Variants in SNTG2 observed in about 807,000 individuals in gnomAD.
The protein encoded by SNTG2 is syntrophin gamma 2.
In SNTG2, 74 loss-of-function variants were observed where a neutral mutation model predicts 70.9. That is an observed-to-expected ratio of 1.04 (90% confidence interval 0.86 to 1.27). The LOEUF is 1.27. Among genes scored for constraint, SNTG2 ranks in the 50% most tolerant of loss-of-function variants. The probability of loss-of-function intolerance (pLI) is 0.00; values close to 1 mark genes in which losing one functional copy is unlikely to be tolerated. For missense variants in SNTG2, 717 were observed against 690.7 expected, an observed-to-expected ratio of 1.04 and a Z score of -0.43; for synonymous variants, 278 against 273.8, an observed-to-expected ratio of 1.02 and a Z score of -0.15.
At chr2:1,262,837 C>T (rs1678515606) in intron 13 of SNTG2, 1 of 152,308 alleles carries the variant, frequency 6.6e-6, no homozygotes, top group Non-Finnish European at 1.5e-5. Context: ...TCGGTCCAGA[C>T]GAGGAAACCC....
chr2:1,272,463 TAAAAAAAAAA>T (rs577563977), intron 14 of SNTG2, among the ~76,000 whole-genome samples: 1 of 51,894 alleles, frequency 1.9e-5, no homozygotes, highest in South Asian at 7.9e-4. Flanking sequence ...CTGGTACTGG[TAAAAAAAAAA>T]AAAAAAAAAA....
At chr2:1,278,587 C>T (rs896287284) in intron 14 of SNTG2, among the ~76,000 whole-genome samples, 2 of 152,170 alleles carry the variant, frequency 1.3e-5, no homozygotes, top group African/African-American at 4.8e-5. Context: ...GTTTTTCTTG[C>T]TGCTTCCTGT....
intron 8 of SNTG2, among the ~76,000 whole-genome samples, chr2:1,179,205 TTAG>T (rs1190511959): frequency 3.9e-5 from 6 of 152,326 alleles, no homozygotes; most frequent in Non-Finnish European, 7.3e-5. Flanking sequence ...TTCTTCTTTA[TTAG>T]TCTTGCTAGC....
At chr2:1,018,066 TTG>T (rs1659967505) in intron 1 of SNTG2, among the ~76,000 whole-genome samples, 1 of 152,226 alleles carries the variant, frequency 6.6e-6, no homozygotes, top group Non-Finnish European at 1.5e-5. Context: ...GTAAAGATAT[TTG>T]TTAGTCATGG....
intron 16 of SNTG2, among the ~76,000 whole-genome samples, chr2:1,320,140 G>T (rs1681452526): frequency 6.6e-6 from 1 of 152,176 alleles, no homozygotes; most frequent in South Asian, 2.1e-4. Context: ...TTAGTAATTA[G>T]TGCATGATGG....
chr2:1,069,093 A>G (rs969855539), intron 1 of SNTG2, among the ~76,000 whole-genome samples: 3 of 152,218 alleles, frequency 2.0e-5, no homozygotes, highest in Non-Finnish European at 4.4e-5. Flanking sequence ...TGTGTTGCAC[A>G]TGGTTTATGA....
Position 1,137,661 on chromosome 2 carries a change from T to A in SNTG2, c.365T>A (p.Leu122His), listed in dbSNP as rs1668482235. The change falls in exon 5 of 17, where the codon CTC becomes CAC. Residue 122 changes from leucine (L) to histidine (H), a missense_variant. Physicochemically the swap from Leu to His is moderately conservative, Grantham distance 99. Coordinates refer to ENST00000308624, the MANE Select transcript of SNTG2 (RefSeq NM_018968.4). ...ATGTTGTTCGTAGGAGATGCTGTTCTCCAGGTCAGTATTGTACACGTTAAT... is the reference window on the plus strand; with the variant it reads ...ATGTTGTTCGTAGGAGATGCTGTTCACCAGGTCAGTATTGTACACGTTAAT... ...TGMLFVGDAVLQVNGIHVENA... is the reference protein window; with the variant it reads ...TGMLFVGDAVHQVNGIHVENA... 6.2e-7 allele frequency: 1 copy of A among 1,613,242 alleles called. No homozygotes were observed. The highest frequency in any genetic ancestry group is 8.5e-7 in the Non-Finnish European group (1 of 1,179,736).
At chr2:965,650 G>A (rs1660536840) in intron 1 of SNTG2, among the ~76,000 whole-genome samples, 1 of 152,006 alleles carries the variant, frequency 6.6e-6, no homozygotes. Context: ...CTCGGGGGCT[G>A]CTGCTGCTGG....
intron 1 of SNTG2, among the ~76,000 whole-genome samples, chr2:1,060,396 A>C (rs1412025871): frequency 6.6e-6 from 1 of 152,180 alleles, no homozygotes; most frequent in Non-Finnish European, 1.5e-5. Flanking sequence ...AGAGAAGTGC[A>C]TAGATACAGA....
chr2:1,110,052 T>C (rs1410143850), intron 4 of SNTG2, among the ~76,000 whole-genome samples: 2 of 152,136 alleles, frequency 1.3e-5, no homozygotes, highest in African/African-American at 4.8e-5. Context: ...CATGAAGATG[T>C]TGACACAGAA....
At chr2:977,737 G>C (rs555022531) in intron 1 of SNTG2, among the ~76,000 whole-genome samples, 1 of 152,170 alleles carries the variant, frequency 6.6e-6, no homozygotes, top group East Asian at 1.9e-4. Flanking sequence ...AGACCTTACC[G>C]AGATCAGGAC....
intron 1 of SNTG2, among the ~76,000 whole-genome samples, chr2:1,021,203 G>C (rs982231751): frequency 2.6e-5 from 4 of 152,064 alleles, no homozygotes; most frequent in African/African-American, 9.7e-5. Context: ...ACATATACAT[G>C]GTGCACTACA....
At chr2:1,063,337 C>T (rs1662944515) in intron 1 of SNTG2, among the ~76,000 whole-genome samples, 1 of 152,132 alleles carries the variant, frequency 6.6e-6, no homozygotes, top group African/African-American at 2.4e-5. Flanking sequence ...GCACAGACTT[C>T]CCAGGAGTTG....
intron 8 of SNTG2, among the ~76,000 whole-genome samples, chr2:1,179,529 AAGG>A (rs1422974734): frequency 5.9e-5 from 9 of 152,116 alleles, no homozygotes; most frequent in African/African-American, 1.9e-4. Flanking sequence ...GGACCTCTTC[AAGG>A]AGAACTACAA....
intron 8 of SNTG2, among the ~76,000 whole-genome samples, chr2:1,184,346 G>A (rs1672115961): frequency 1.5e-5 from 2 of 132,088 alleles, no homozygotes; most frequent in South Asian, 5.0e-4. Context: ...ACATAGATGA[G>A]TGAGCAAAAA....
At chr2:1,235,745 C>T (rs901538413) in intron 9 of SNTG2, among the ~76,000 whole-genome samples, 1 of 152,242 alleles carries the variant, frequency 6.6e-6, no homozygotes, top group Admixed American at 6.5e-5. Flanking sequence ...GGCACCACCC[C>T]CTGTTCCTCC....
At chr2:1,118,397 T>G (rs1000476216) in intron 4 of SNTG2, among the ~76,000 whole-genome samples, 2 of 152,006 alleles carry the variant, frequency 1.3e-5, no homozygotes, top group African/African-American at 4.8e-5. Flanking sequence ...CCTATGCCAC[T>G]TAGACACCCA....
chr2:960,150 G>C (rs878867169), intron 1 of SNTG2, among the ~76,000 whole-genome samples: 1 of 152,206 alleles, frequency 6.6e-6, no homozygotes, highest in South Asian at 2.1e-4. Flanking sequence ...AGGGGGCTCT[G>C]TTAATGACAC....
chr2:1,151,475 C>G (rs1271805438), intron 6 of SNTG2, among the ~76,000 whole-genome samples: 1 of 152,170 alleles, frequency 6.6e-6, no homozygotes, highest in Non-Finnish European at 1.5e-5. Flanking sequence ...CTGCCTGTTT[C>G]CAAACCCAGC....
Sources: allele counts gnomAD v4.1 joint callset (sites outside exome capture counted in the v4.1 genomes callset), GRCh38; gene constraint gnomAD v4.1.1; transcripts MANE v1.5; gene names NCBI Gene and HGNC (gene_info 2026-07-23, HGNC 2026-07-21).